STAU2: variants seen among roughly 807,000 people sequenced by gnomAD.
STAU2 encodes the protein staufen double-stranded RNA binding protein 2.
In STAU2, 20 loss-of-function variants were observed where a neutral mutation model predicts 65.9. The observed-to-expected ratio is 0.30, with a 90% confidence interval of 0.21 to 0.44. STAU2 has a LOEUF of 0.44. Ranked by LOEUF, STAU2 falls within the 20% of genes least tolerant of loss-of-function variation. STAU2 has a pLI of 1.00. For missense variants in STAU2, 558 were observed against 683.9 expected, an observed-to-expected ratio of 0.82 and a Z score of 2.05; for synonymous variants, 232 against 233.9, an observed-to-expected ratio of 0.99 and a Z score of 0.07.
At chr8:73,711,253 CA>C (rs1263230366) in intron 3 of STAU2, among the ~76,000 whole-genome samples, 1 of 150,846 alleles carries the variant, frequency 6.6e-6, no homozygotes, top group African/African-American at 2.4e-5. Context: ...GCATGTCACA[CA>C]AATTTTATAA....
At chr8:73,569,672 T>C (rs1808891039) in intron 12 of STAU2, among the ~76,000 whole-genome samples, 1 of 152,174 alleles carries the variant, frequency 6.6e-6, no homozygotes, top group African/African-American at 2.4e-5. Flanking sequence ...TTCTGCAGCC[T>C]CCACTGGTGA....
At chr8:73,672,616 GA>G (rs943721098) in intron 6 of STAU2, among the ~76,000 whole-genome samples, 36 of 151,782 alleles carry the variant, frequency 2.4e-4, no homozygotes, top group Non-Finnish European at 4.1e-4. Context: ...TAAATGCAAA[GA>G]AAAAAAGAAT....
At chr8:73,593,688 G>A (rs928995558) in intron 11 of STAU2, among the ~76,000 whole-genome samples, 15 of 151,896 alleles carry the variant, frequency 9.9e-5, no homozygotes, top group Admixed American at 8.5e-4. Flanking sequence ...TCAGCTGAAG[G>A]GCCTGAACAG....
chr8:73,574,881 A>T (rs1023652675), intron 12 of STAU2, among the ~76,000 whole-genome samples: 9 of 152,078 alleles, frequency 5.9e-5, no homozygotes, highest in African/African-American at 2.2e-4. Flanking sequence ...CATTGTGCAC[A>T]TGTACCCTAG....
chr8:73,693,160 C>T (rs1819462216), intron 4 of STAU2, among the ~76,000 whole-genome samples: 1 of 151,752 alleles, frequency 6.6e-6, no homozygotes, highest in African/African-American at 2.4e-5. Flanking sequence ...GACCCTATCT[C>T]GGAAACAAAT....
chr8:73,645,353 T>C (rs1815291856), intron 6 of STAU2, among the ~76,000 whole-genome samples: 1 of 152,192 alleles, frequency 6.6e-6, no homozygotes, highest in African/African-American at 2.4e-5. Context: ...ATATGATCAG[T>C]TAATTGATGC....
chr8:73,613,795 C>A lies in STAU2; in HGVS notation c.840G>T (p.Val280=), dbSNP rs1776652394. The A allele has an allele frequency of 1.9e-6, 3 of 1,613,048 alleles. No individual in the cohort carries two copies. The African/African-American group carries it at 4.0e-5, about 22-fold the overall frequency. The change falls in exon 9 of 15, where the codon GTG becomes GTT. Residue 280 remains valine (V), a synonymous_variant. Coordinates refer to ENST00000524300, the MANE Select transcript of STAU2 (RefSeq NM_001164380.2). Reference sequence around the variant, plus strand: ...TAAAAAATAGTTTTGGCTTTTCCACCACAGGAAGAGGTGGAAGTTTTTTAA... The same window carrying A: ...TAAAAAATAGTTTTGGCTTTTCCACAACAGGAAGAGGTGGAAGTTTTTTAA... ...QELKKLPPLP[V]VEKPKLFFKK...
chr8:73,667,888 T>G (rs553614213), intron 6 of STAU2, among the ~76,000 whole-genome samples: 3 of 152,196 alleles, frequency 2.0e-5, no homozygotes, highest in South Asian at 4.1e-4. Flanking sequence ...GCATCAGAAC[T>G]AGGAACTGAA....
intron 6 of STAU2, among the ~76,000 whole-genome samples, chr8:73,656,514 G>A (rs1816388587): frequency 6.6e-6 from 1 of 152,206 alleles, no homozygotes; most frequent in African/African-American, 2.4e-5. Context: ...GTATTACTAT[G>A]ACTTATCAAA....
intron 13 of STAU2, among the ~76,000 whole-genome samples, chr8:73,453,650 A>C (rs1421528250): frequency 6.6e-6 from 1 of 152,164 alleles, no homozygotes; most frequent in East Asian, 1.9e-4. Flanking sequence ...TTGAAAATAG[A>C]TACCTCTTTT....
rs375647181 is a variant in STAU2 at position 73,421,355 on chromosome 8, G to C, written c.*17C>G. The C allele has an allele frequency of 2.0e-6, 3 of 1,536,736 alleles. No homozygotes were observed. The highest frequency in any genetic ancestry group is 2.6e-6 in the Non-Finnish European group (3 of 1,146,478). ...GGTTTATAAGGATGCGGTGGCAGCCGCGGGTTCTGGGAGCTGCTAGACGGC... is the reference window on the plus strand; with the variant it reads ...GGTTTATAAGGATGCGGTGGCAGCCCCGGGTTCTGGGAGCTGCTAGACGGC... On this transcript the variant is annotated 3_prime_UTR_variant, in exon 15 of 15. Coordinates refer to ENST00000524300, the MANE Select transcript of STAU2 (RefSeq NM_001164380.2).
chr8:73,551,606 A>T, intron 13 of STAU2: 1 of 990,364 alleles, frequency 1.0e-6, no homozygotes. Context: ...AATCATCATA[A>T]AAAGAAACTC....
At chr8:73,629,846 A>G (rs952780811) in intron 6 of STAU2, among the ~76,000 whole-genome samples, 1 of 152,138 alleles carries the variant, frequency 6.6e-6, no homozygotes, top group Non-Finnish European at 1.5e-5. Context: ...GCCTCACTGC[A>G]GCCTCAACTT....
At chr8:73,443,790 G>A (rs988371894) in intron 13 of STAU2, among the ~76,000 whole-genome samples, 3 of 152,002 alleles carry the variant, frequency 2.0e-5, no homozygotes, top group Non-Finnish European at 2.9e-5. Flanking sequence ...TGAGGCTGCA[G>A]TGAGCTGAGA....
intron 13 of STAU2, among the ~76,000 whole-genome samples, chr8:73,526,793 T>C (rs1805486824): frequency 6.6e-6 from 1 of 152,226 alleles, no homozygotes; most frequent in Admixed American, 6.5e-5. Context: ...CAAGCTGCTA[T>C]CTAAACAATA....
At chr8:73,560,800 C>A (rs955729250) in intron 12 of STAU2, among the ~76,000 whole-genome samples, 1 of 152,062 alleles carries the variant, frequency 6.6e-6, no homozygotes. Flanking sequence ...AAAGGTTTTT[C>A]AAAAATGTTT....
chr8:73,565,954 A>G (rs1563426174), intron 12 of STAU2, among the ~76,000 whole-genome samples: 1 of 152,166 alleles, frequency 6.6e-6, no homozygotes, highest in Non-Finnish European at 1.5e-5. Flanking sequence ...ACTGGATTTA[A>G]TTTTTTTAGT....
intron 6 of STAU2, among the ~76,000 whole-genome samples, chr8:73,638,944 G>C (rs1814758958): frequency 6.7e-6 from 1 of 149,004 alleles, no homozygotes; most frequent in East Asian, 2.0e-4. Flanking sequence ...TGATTAATAT[G>C]AAATGATATC....
At position 73,462,254 on chromosome 8, in the gene STAU2, A is replaced by AT. The variant is rs1425264074; in HGVS notation, c.1531-39553dup. 8.7e-3 allele frequency among the ~76,000 whole-genome samples: 1,288 copies of AT among 148,052 alleles called. 20 individuals carry two copies. Among genetic ancestry groups the AT allele is most frequent in the African/African-American group, 0.026 (1,045 of 40,142 alleles). On this transcript the variant is annotated intron_variant, in intron 13 of 14. Transcript: ENST00000524300. ...GCCACCACGCCCAGCTAATTTTTGT[A>AT]TTTTTTTTTCTTTTTTTTTAATAGA...
Sources: gnomAD v4.1 joint callset for allele counts (sites outside exome capture counted in the v4.1 genomes callset) on GRCh38, gnomAD v4.1.1 for gene constraint, MANE v1.5 for transcripts, NCBI Gene and HGNC (gene_info 2026-07-23, HGNC 2026-07-21) for gene names.